The following LRCH1 variants were observed in gnomAD, a reference collection of about 807,000 sequenced individuals.
LRCH1 encodes leucine-rich repeat and calponin homology domain-containing protein 1.
LRCH1 carries 23 observed loss-of-function variants against 94.9 expected under a neutral mutation model. The ratio of observed to expected loss-of-function variants is 0.24; its 90% CI spans 0.17 to 0.34. The LOEUF is 0.34. Ranked by LOEUF, LRCH1 falls within the 10% of genes least tolerant of loss-of-function variation. The pLI, the probability that LRCH1 is intolerant of heterozygous loss-of-function variation, is 1.00. For synonymous variants in LRCH1, 364 were observed against 354.9 expected (o/e 1.03, Z -0.29); for missense variants, 790 against 945.9 (o/e 0.84, Z 2.16).
chr13:46,667,677 TA>T (rs2051537128), intron 2 of LRCH1, among the ~76,000 whole-genome samples: 1 of 151,224 alleles, frequency 6.6e-6, no homozygotes, highest in African/African-American at 2.4e-5. Context: ...AAAGTATAAT[TA>T]AAAAAATAAA....
In LRCH1 at chr13:46,636,780, C is replaced by T. The variant is rs367764387; in HGVS notation, c.308-13421C>T. On this transcript the variant is annotated intron_variant, in intron 1 of 19. Transcript: ENST00000389797. ...ACTGTCTTCACTTGGTTTCCAGGGA[C>T]CTTGCTGGCCTGTGTTTTCCTTCTT... is the stretch of plus-strand genomic sequence containing the variant. Among the ~76,000 whole-genome samples the T allele has an allele frequency of 1.2e-3, 185 of 152,282 alleles. 4 individuals carry two copies. The South Asian group carries it at 0.037, about 30-fold the overall frequency.
At chr13:46,667,258 G>A (rs768517973) in intron 2 of LRCH1, among the ~76,000 whole-genome samples, 6 of 152,086 alleles carry the variant, frequency 3.9e-5, no homozygotes, top group East Asian at 3.9e-4. Context: ...TGACAAGGCC[G>A]TGCCCAGATT....
At position 46,742,153 on chromosome 13, in the gene LRCH1, C is replaced by T. The variant is rs1007416269; in HGVS notation, c.*305C>T. ...GCCACGCAGTTCCTCCTCTCCCTCCCGGTGAGCTGCTGCCCTGGGCAGAGG... is the reference window on the plus strand; with the variant it reads ...GCCACGCAGTTCCTCCTCTCCCTCCTGGTGAGCTGCTGCCCTGGGCAGAGG... On this transcript the variant is annotated 3_prime_UTR_variant, in exon 20 of 20. Coordinates refer to ENST00000389797, the MANE Select transcript of LRCH1 (RefSeq NM_001164211.2). The T allele has an allele frequency of 1.6e-5, 19 of 1,209,126 alleles. No individual in the cohort carries two copies. Among genetic ancestry groups the T allele is most frequent in the East Asian group, 4.8e-5 (1 of 20,768 alleles). The allele number at this position is 1,209,126 out of a possible 1,614,324, so 74.9% of individuals were successfully genotyped here.
At chr13:46,642,011 G>T (rs747901189) in intron 1 of LRCH1, among the ~76,000 whole-genome samples, 1 of 152,208 alleles carries the variant, frequency 6.6e-6, no homozygotes, top group Non-Finnish European at 1.5e-5. Flanking sequence ...AGGTATGTTT[G>T]CACAGATAGA....
At chr13:46,573,066 G>A (rs777709179) in intron 1 of LRCH1, among the ~76,000 whole-genome samples, 3 of 152,202 alleles carry the variant, frequency 2.0e-5, no homozygotes, top group Non-Finnish European at 4.4e-5. Context: ...GGAGTGCAGA[G>A]CAATGCCTGG....
chr13:46,657,500 CTTTTTTTTTTTTTTTTTTTTTTT>C lies in LRCH1; in HGVS notation c.452+7175_452+7197del, dbSNP rs67588975. Among the ~76,000 whole-genome samples the C allele has an allele frequency of 1.6e-3, 18 of 11,392 alleles. No homozygotes were observed. In the South Asian group the frequency reaches 0.038, roughly 24 times the overall value. 7.5% of individuals were successfully genotyped at this position (11,392 alleles called of 152,430 possible). On this transcript the variant is annotated intron_variant, in intron 2 of 19. Transcript: ENST00000389797. ...TCATTTTTACTTTTTCTTTTCTTTT[CTTTTTTTTTTTTTTTTTTTTTTT>C]TTTTTTTTTTTTTTTTTTTGAGGCA...
chr13:46,677,408 C>T (rs1437719735), intron 3 of LRCH1, among the ~76,000 whole-genome samples: 3 of 152,026 alleles, frequency 2.0e-5, no homozygotes, highest in Admixed American at 6.5e-5. Flanking sequence ...CCAATCTGGG[C>T]GACAGAGCGA....
chr13:46,703,972 G>C (rs933337665), intron 11 of LRCH1, among the ~76,000 whole-genome samples: 1 of 152,086 alleles, frequency 6.6e-6, no homozygotes, highest in African/African-American at 2.4e-5. Flanking sequence ...CCTTCCAAGT[G>C]ACACTTGATT....
At chr13:46,728,478 A>G (rs569496547) in intron 17 of LRCH1, among the ~76,000 whole-genome samples, 1 of 152,312 alleles carries the variant, frequency 6.6e-6, no homozygotes, top group Admixed American at 6.5e-5. Flanking sequence ...GGCCTCCCAA[A>G]GTGCTGGGAT....
intron 4 of LRCH1, among the ~76,000 whole-genome samples, chr13:46,685,520 G>A (rs141543801): frequency 7.9e-5 from 12 of 152,150 alleles, no homozygotes; most frequent in Non-Finnish European, 1.0e-4. Context: ...TGTAATTAAC[G>A]TATTACTCAT....
At chr13:46,717,238 C>T (rs1226942993) in intron 16 of LRCH1, among the ~76,000 whole-genome samples, 1 of 152,166 alleles carries the variant, frequency 6.6e-6, no homozygotes, top group Non-Finnish European at 1.5e-5. Context: ...GCCGCATCTA[C>T]ATTCAGGCTG....
intron 1 of LRCH1, among the ~76,000 whole-genome samples, chr13:46,599,615 T>C (rs2137979109): frequency 6.6e-6 from 1 of 152,364 alleles, no homozygotes; most frequent in South Asian, 2.1e-4. Context: ...GATAGTCTTA[T>C]GATTAAACTT....
At position 46,705,109 on chromosome 13, in the gene LRCH1, A is replaced by G. The variant is rs759211493; in HGVS notation, c.1442A>G (p.Tyr481Cys). The stretch of plus-strand genomic sequence containing the variant: ...ACAGAGAGAAGTGTTTTAAACCTAT[A>G]TCCTATGGGATCAGCAGAAGCCTTA... ...DITERSVLNL[Y>C]PMGSAEALEL... Residue 481 changes from tyrosine to cysteine, a missense_variant, in exon 12 of 20, where the codon TAT (tyrosine) becomes TGT (cysteine). Physicochemically the swap from Tyr to Cys is radical, Grantham distance 194. Transcript: ENST00000389797. 6.2e-7 allele frequency: 1 copy of G among 1,608,492 alleles called. No homozygotes were observed. Among genetic ancestry groups the G allele is most frequent in the Non-Finnish European group, 8.5e-7 (1 of 1,177,394 alleles).
At chr13:46,691,866 T>C (rs1188283199) in intron 7 of LRCH1, among the ~76,000 whole-genome samples, 2 of 151,904 alleles carry the variant, frequency 1.3e-5, no homozygotes, top group Admixed American at 6.6e-5. Flanking sequence ...ATTTTTGTAT[T>C]TTTAGTAGAG....
At chr13:46,623,798 G>C (rs1186443254) in intron 1 of LRCH1, among the ~76,000 whole-genome samples, 1 of 149,322 alleles carries the variant, frequency 6.7e-6, no homozygotes, top group Non-Finnish European at 1.5e-5. Context: ...TGCCATGTTG[G>C]TGTGCTGCAC....
At position 46,741,634 on chromosome 13, in the gene LRCH1, C is replaced by T. The variant is rs927571395; in HGVS notation, c.2086-8C>T. ...CTCTTTCTGTTCTAATGGCTGCCCT[C>T]GGAATAGGCTGACCTCTGCTCTCCG... On this transcript the variant is annotated splice_region_variant and splice_polypyrimidine_tract_variant and intron_variant, in intron 19 of 19. Coordinates refer to ENST00000389797, the MANE Select transcript of LRCH1 (RefSeq NM_001164211.2). 3.5e-5 allele frequency: 57 copies of T among 1,613,934 alleles called. No homozygotes were observed. The highest frequency in any genetic ancestry group is 4.6e-5 in the Non-Finnish European group (54 of 1,179,954).
chr13:46,601,411 T>C (rs1404241844), intron 1 of LRCH1, among the ~76,000 whole-genome samples: 2 of 152,228 alleles, frequency 1.3e-5, no homozygotes, highest in African/African-American at 2.4e-5. Context: ...GAAAAAGTTC[T>C]TTAAATGAAG....
chr13:46,696,553 C>A (rs923130313), intron 9 of LRCH1, among the ~76,000 whole-genome samples: 1 of 152,132 alleles, frequency 6.6e-6, no homozygotes, highest in Non-Finnish European at 1.5e-5. Flanking sequence ...TCAAGGACTT[C>A]CTGGAAATGG....
At chr13:46,638,186 AT>A (rs2051115154) in intron 1 of LRCH1, among the ~76,000 whole-genome samples, 1 of 152,230 alleles carries the variant, frequency 6.6e-6, no homozygotes, top group Non-Finnish European at 1.5e-5. Flanking sequence ...GAAAATTACT[AT>A]GGATTTGCAA....
Sources: allele counts gnomAD v4.1 joint callset (sites outside exome capture counted in the v4.1 genomes callset), GRCh38; gene constraint gnomAD v4.1.1; transcripts MANE v1.5; gene names NCBI Gene and HGNC (gene_info 2026-07-23, HGNC 2026-07-21).